Variants in SENP5 observed in about 807,000 individuals in gnomAD.
SENP5 encodes the protein SUMO specific peptidase 5.
Under a neutral mutation model 74.2 loss-of-function variants are expected in SENP5, and 21 were observed. That is an observed-to-expected ratio of 0.28 (90% confidence interval 0.20 to 0.41). The LOEUF (loss-of-function observed/expected upper bound fraction) is 0.41, where lower values mean the gene tolerates loss of function less well. Ranked by LOEUF, SENP5 falls within the 10% of genes least tolerant of loss-of-function variation. The pLI, the probability that SENP5 is intolerant of heterozygous loss-of-function variation, is 1.00. For missense variants in SENP5, 717 were observed against 889.1 expected, an observed-to-expected ratio of 0.81 and a Z score of 2.46; for synonymous variants, 311 against 312.7, an observed-to-expected ratio of 0.99 and a Z score of 0.06.
rs1716049975 is a variant in SENP5, at chr3:196,931,861, C to T, written c.*938C>T. 2.3e-6 allele frequency: 1 copy of T among 441,326 alleles called. No individual in the cohort carries two copies. Among genetic ancestry groups the T allele is most frequent in the Admixed American group, 2.6e-5 (1 of 39,130 alleles). The allele number at this position is 441,326 out of a possible 1,614,324, so 27.3% of individuals were successfully genotyped here. A position where few individuals can be genotyped will look rare whatever the true frequency, so the allele number is the denominator to read the frequency against. ...AAATGCATTTCTATTTCAAGGGTAT[C>T]TGAAACGTAAACATTCAAAACTGAA... On this transcript the variant is annotated 3_prime_UTR_variant, in exon 10 of 10. Coordinates refer to ENST00000323460, the MANE Select transcript of SENP5 (RefSeq NM_152699.5).
chr3:196,916,599 C>G (rs527299493), intron 6 of SENP5, among the ~76,000 whole-genome samples: 1 of 151,064 alleles, frequency 6.6e-6, no homozygotes, highest in South Asian at 2.1e-4. Flanking sequence ...GTGATCTCAG[C>G]TCACTGCAAC....
chr3:196,900,324 T>G (rs748364738), intron 4 of SENP5, 41 bp from the exon 5 acceptor site: 20 of 1,556,060 alleles, frequency 1.3e-5, no homozygotes, highest in Non-Finnish European at 1.7e-5. Flanking sequence ...CCAACTTAAC[T>G]GGCAGAGATA....
intron 1 of SENP5, among the ~76,000 whole-genome samples, chr3:196,869,784 A>AAC: frequency 1.4e-5 from 2 of 146,704 alleles, no homozygotes; most frequent in African/African-American, 2.5e-5. Flanking sequence ...AAAAAAAAAA[A>AAC]GGTGCTGGGA....
chr3:196,890,144 A>G (rs1714141613), intron 2 of SENP5, among the ~76,000 whole-genome samples: 1 of 152,206 alleles, frequency 6.6e-6, no homozygotes, highest in Non-Finnish European at 1.5e-5. Flanking sequence ...TTTGCCCTCA[A>G]TTCTCAGCAA....
At chr3:196,901,576 A>G (rs1714701785) in intron 5 of SENP5, among the ~76,000 whole-genome samples, 1 of 152,206 alleles carries the variant, frequency 6.6e-6, no homozygotes. Flanking sequence ...AGTGCTGTAT[A>G]AAACTTACCA....
rs1292287126 is a variant in SENP5, at chr3:196,885,390, G to C, written c.209G>C (p.Trp70Ser). The C allele has an allele frequency of 1.2e-6, 2 of 1,613,980 alleles. No homozygotes were observed. The highest frequency in any genetic ancestry group is 1.7e-6 in the Non-Finnish European group (2 of 1,180,014). The change falls in exon 2 of 10, where the codon TGG becomes TCG. Residue 70 changes from tryptophan (W) to serine (S), a missense_variant. By Grantham distance (177) the Trp-to-Ser change is radical. Transcript: ENST00000323460. ...AAAGCTCTTCAAATCCAGAAAACGT[G>C]GATCAAGGATGAACCCCTTTGTGCT... Reference protein sequence around the residue: ...RKKALQIQKTWIKDEPLCAKT... With the variant: ...RKKALQIQKTSIKDEPLCAKT...
intron 7 of SENP5, among the ~76,000 whole-genome samples, chr3:196,925,645 C>T (rs966328993): frequency 3.3e-5 from 5 of 152,168 alleles, no homozygotes; most frequent in African/African-American, 9.7e-5. Context: ...GAGAAACATT[C>T]GCCTTCATGG....
chr3:196,889,688 A>G (rs1163389309), intron 2 of SENP5, among the ~76,000 whole-genome samples: 1 of 152,224 alleles, frequency 6.6e-6, no homozygotes, highest in African/African-American at 2.4e-5. Flanking sequence ...TTATGAAAAA[A>G]TATTAAAAAC....
intron 6 of SENP5, among the ~76,000 whole-genome samples, chr3:196,909,023 AAAG>A (rs1007881855): frequency 3.2e-4 from 48 of 152,314 alleles, no homozygotes; most frequent in African/African-American, 9.1e-4. Flanking sequence ...TAGCTAAACT[AAAG>A]AAGAAAAGAG....
At chr3:196,893,931 AGT>A (rs1187893172) in intron 2 of SENP5, among the ~76,000 whole-genome samples, 1 of 149,674 alleles carries the variant, frequency 6.7e-6, no homozygotes, top group Non-Finnish European at 1.5e-5. Context: ...AAAAAAATTT[AGT>A]GTGTTTAAGA....
chr3:196,934,138 G>C lies in SENP5; in HGVS notation c.*3215G>C, dbSNP rs1163229780. On this transcript the variant is annotated 3_prime_UTR_variant, in exon 10 of 10. Coordinates refer to ENST00000323460, the MANE Select transcript of SENP5 (RefSeq NM_152699.5). ...CTTTCAGTTAGCCTCTTAAGAAAGGGAAAAAAAGGTGCTGCCAGTCATCCC... is the reference window on the plus strand; with the variant it reads ...CTTTCAGTTAGCCTCTTAAGAAAGGCAAAAAAAGGTGCTGCCAGTCATCCC... 6.6e-6 allele frequency: 1 copy of C among 152,068 alleles called. No individual in the cohort carries two copies. Among genetic ancestry groups the C allele is most frequent in the Non-Finnish European group, 1.5e-5 (1 of 68,008 alleles). 9.4% of individuals were successfully genotyped at this position (152,068 alleles called of 1,614,324 possible). A position where few individuals can be genotyped will look rare whatever the true frequency, so the allele number is the denominator to read the frequency against.
intron 6 of SENP5, chr3:196,904,935 A>C (rs1714844162): frequency 6.6e-6 from 1 of 151,920 alleles, no homozygotes; most frequent in Non-Finnish European, 1.5e-5. Context: ...TTATTGATTT[A>C]TTTTTTGAGA....
chr3:196,873,516 G>C (rs190844208), intron 1 of SENP5, among the ~76,000 whole-genome samples: 11 of 151,964 alleles, frequency 7.2e-5, no homozygotes, highest in Admixed American at 7.2e-4. Context: ...TTTCACTGTA[G>C]GTAAATTATA....
Position 196,931,133 on chromosome 3 carries a change from T to C in SENP5, c.*210T>C. 3.7e-6 allele frequency: 2 copies of C among 534,650 alleles called. No homozygotes were observed. The highest frequency in any genetic ancestry group is 6.7e-6 in the Non-Finnish European group (2 of 298,710). The allele number at this position is 534,650 out of a possible 1,614,324, so 33.1% of individuals were successfully genotyped here. A position where few individuals can be genotyped will look rare whatever the true frequency, so the allele number is the denominator to read the frequency against. The stretch of plus-strand genomic sequence containing the variant: ...TTCAGTTTGGTTTCATTTTTAATTT[T>C]ATGGTTCTGTGCGTCCCCCATATTT... On this transcript the variant is annotated 3_prime_UTR_variant, in exon 10 of 10. Transcript: ENST00000323460.
intron 7 of SENP5, 67 bp from the exon 8 acceptor site, chr3:196,927,729 T>C (rs1401583926): frequency 4.1e-5 from 37 of 893,378 alleles, no homozygotes; most frequent in Non-Finnish European, 5.2e-5. Context: ...CTGTCTGCTA[T>C]GGGCATGTTC....
chr3:196,899,263 AT>A (rs1560149916), intron 2 of SENP5, among the ~76,000 whole-genome samples: 1 of 152,126 alleles, frequency 6.6e-6, no homozygotes, highest in Non-Finnish European at 1.5e-5. Flanking sequence ...GCTAATTGTG[AT>A]TTTAAAATAA....
chr3:196,867,951 A>G lies in SENP5; in HGVS notation c.-154A>G, dbSNP rs1712998989. 1 of 152,192 alleles carries G rather than the reference A, an allele frequency of 6.6e-6. No homozygotes were observed. The highest frequency in any genetic ancestry group is 6.5e-5 in the Admixed American group (1 of 15,280). 9.4% of individuals were successfully genotyped at this position (152,192 alleles called of 1,614,324 possible). A position where few individuals can be genotyped will look rare whatever the true frequency, so the allele number is the denominator to read the frequency against. On this transcript the variant is annotated 5_prime_UTR_variant, in exon 1 of 10. Transcript: ENST00000323460. ...AGCTCGGCGGCTGTGGCCGCGGCGA[A>G]CAGGCCGGACGCCTCGTCGCTGGCG... is the stretch of plus-strand genomic sequence containing the variant.
At chr3:196,900,607 T>A (rs183178160) in intron 5 of SENP5, among the ~76,000 whole-genome samples, 195 bp downstream of exon 5, 3 of 152,188 alleles carry the variant, frequency 2.0e-5, no homozygotes, top group African/African-American at 4.8e-5. Context: ...CTTTTTGAGA[T>A]GGAGTTTTGC....
At chr3:196,872,303 C>T (rs904926356) in intron 1 of SENP5, among the ~76,000 whole-genome samples, 1 of 152,180 alleles carries the variant, frequency 6.6e-6, no homozygotes, top group Non-Finnish European at 1.5e-5. Context: ...GTAAAGGAAA[C>T]GCATGTGAAG....
Sources: allele counts gnomAD v4.1 joint callset (sites outside exome capture counted in the v4.1 genomes callset), GRCh38; gene constraint gnomAD v4.1.1; transcripts MANE v1.5; gene names NCBI Gene and HGNC (gene_info 2026-07-23, HGNC 2026-07-21).